Variants in HAUS3 observed in about 807,000 individuals in gnomAD.
The protein encoded by HAUS3 is HAUS augmin like complex subunit 3, also known as HAUS augmin-like complex subunit 3.
In HAUS3, 36 loss-of-function variants were observed where a neutral mutation model predicts 55.2. The ratio of observed to expected loss-of-function variants is 0.65; its 90% CI spans 0.50 to 0.86. The LOEUF is 0.86. Among genes scored for constraint, HAUS3 ranks in the 40% least tolerant of loss-of-function variants. The pLI is 0.00. For missense variants in HAUS3, 752 were observed against 671.5 expected (o/e 1.12, Z -1.33); for synonymous variants, 234 against 238.6 (o/e 0.98, Z 0.18).
At chr4:2,234,165 T>G (rs1476373681) in intron 5 of HAUS3, 6 of 152,206 alleles carry the variant, frequency 3.9e-5, no homozygotes, top group African/African-American at 1.2e-4. Context: ...TTAAGAAAAC[T>G]ATTTAGAGAG....
chr4:2,241,030 C>T lies in HAUS3; in HGVS notation c.-84G>A, dbSNP rs777044956. 115 of 1,038,056 alleles carry T rather than the reference C, an allele frequency of 1.1e-4. No homozygotes were observed. The highest frequency in any genetic ancestry group is 1.5e-4 in the Non-Finnish European group (106 of 704,888). 64.3% of individuals were successfully genotyped at this position (1,038,056 alleles called of 1,614,324 possible). On this transcript the variant is annotated 5_prime_UTR_variant, in exon 3 of 6. Coordinates refer to ENST00000443786, the MANE Select transcript of HAUS3 (RefSeq NM_001303143.2). Reference sequence around the variant, plus strand: ...AAAATAAATCCAAGCAGAAAAAAAGCTACGTTTTATACCAAGTCCACAGAG... The same window carrying T: ...AAAATAAATCCAAGCAGAAAAAAAGTTACGTTTTATACCAAGTCCACAGAG...
intron 4 of HAUS3, among the ~76,000 whole-genome samples, chr4:2,237,853 A>G (rs1734820979): frequency 6.6e-6 from 1 of 152,208 alleles, no homozygotes; most frequent in Admixed American, 6.5e-5. Flanking sequence ...AAGTTGTAAC[A>G]GACTTCCTAA....
At chr4:2,239,850 G>A (rs1734906253) in intron 3 of HAUS3, among the ~76,000 whole-genome samples, 188 bp downstream of exon 3, 1 of 152,174 alleles carries the variant, frequency 6.6e-6, no homozygotes, top group South Asian at 2.1e-4. Context: ...TACTATTGCT[G>A]CCCTCCATTA....
intron 2 of HAUS3, among the ~76,000 whole-genome samples, 167 bp from the exon 3 acceptor site, chr4:2,241,260 C>G (rs1012117095): frequency 6.6e-6 from 1 of 152,124 alleles, no homozygotes; most frequent in African/African-American, 2.4e-5. Flanking sequence ...TAGGCTAGTT[C>G]TCAGAAAACC....
intron 3 of HAUS3, 113 bp downstream of exon 3, chr4:2,239,925 A>G (rs1734909140): frequency 2.5e-6 from 2 of 802,300 alleles, no homozygotes; most frequent in African/African-American, 3.5e-5. Context: ...CAAAGAAAAT[A>G]AAATGTAATC....
rs191699673 is a variant in HAUS3 at position 2,232,269 on chromosome 4, C to T, written c.1579-109G>A. On this transcript the variant is annotated intron_variant, in intron 5 of 5. Transcript: ENST00000443786. ...GACTTTAAAGGACTTAATAACTTCC[C>T]GCAATTTTAGCAATAAATAAACCTC... The T allele has an allele frequency of 1.9e-3, 994 of 513,728 alleles. 16 individuals carry two copies. In the South Asian group the frequency reaches 0.022, roughly 11 times the overall value. The allele number at this position is 513,728 out of a possible 1,614,324, so 31.8% of individuals were successfully genotyped here. A position where few individuals can be genotyped will look rare whatever the true frequency, so the allele number is the denominator to read the frequency against.
chr4:2,239,148 T>G, intron 3 of HAUS3, 105 bp from the exon 4 acceptor site: 1 of 569,072 alleles, frequency 1.8e-6, no homozygotes, highest in Non-Finnish European at 2.9e-6. Flanking sequence ...ATAAGCTCAA[T>G]GAATGAAAAC....
rs902025886 is a variant in HAUS3 at position 2,237,542 on chromosome 4, A to ACAAG, written c.1349+1058_1349+1061dup. ...AAGGAAGGAGGGAAGGAAGGAAAAA[A>ACAAG]CAAGCAAGCAAGCAAGCAATGAATT... On this transcript the variant is annotated intron_variant, in intron 4 of 5. Transcript: ENST00000443786. Among the ~76,000 whole-genome samples the ACAAG allele has an allele frequency of 1.4e-4, 21 of 152,176 alleles. 1 individual carries two copies. Among genetic ancestry groups the ACAAG allele is most frequent in the East Asian group, 5.8e-4 (3 of 5,182 alleles).
At chr4:2,235,757 A>G (rs561068822) in intron 5 of HAUS3, among the ~76,000 whole-genome samples, 72 of 152,148 alleles carry the variant, frequency 4.7e-4, no homozygotes, top group Non-Finnish European at 7.6e-4. Context: ...ATATATATAT[A>G]TGTGTGTATG....
chr4:2,236,172 T>G, intron 5 of HAUS3, 56 bp downstream of exon 5: 1 of 1,060,048 alleles, frequency 9.4e-7, no homozygotes, highest in Admixed American at 2.1e-5. Context: ...CTTTAATATC[T>G]TTTACAACAA....
intron 5 of HAUS3, among the ~76,000 whole-genome samples, chr4:2,232,675 ATG>A (rs963927737): frequency 4.3e-5 from 6 of 140,770 alleles, no homozygotes; most frequent in African/African-American, 1.9e-4. Flanking sequence ...AGAATTACAC[ATG>A]ACATTCCACG....
At position 2,232,108 on chromosome 4, in the gene HAUS3, T is replaced by C. The variant is rs1734603190; in HGVS notation, c.1631A>G (p.His544Arg). The part of the protein sequence containing the change: ...KVESQLNKLN[H>R]LLTDILADVK... The stretch of plus-strand genomic sequence containing the variant: ...ATCAGCAAGAATATCAGTGAGGAGA[T>C]GATTTAGCTTATTCAGTTGAGATTC... Residue 544 changes from histidine (H) to arginine (R), a missense_variant, in exon 6 of 6, where the codon CAT (histidine) becomes CGT (arginine). Coordinates refer to ENST00000443786, the MANE Select transcript of HAUS3 (RefSeq NM_001303143.2). 5 of 1,599,298 alleles carry C rather than the reference T, an allele frequency of 3.1e-6. No individual in the cohort carries two copies. In the African/African-American group the frequency reaches 5.4e-5, roughly 17 times the overall value.
At chr4:2,242,021 G>A (rs1342955113) in intron 1 of HAUS3, 30 bp downstream of exon 1, 1 of 985,490 alleles carries the variant, frequency 1.0e-6, no homozygotes, top group Non-Finnish European at 1.2e-6. Flanking sequence ...CCACACCCCT[G>A]CGCCCAGAAC....
chr4:2,241,270 C>G (rs528320547), intron 2 of HAUS3, among the ~76,000 whole-genome samples, 177 bp from the exon 3 acceptor site: 2 of 152,214 alleles, frequency 1.3e-5, no homozygotes, highest in East Asian at 1.9e-4. Context: ...CTCAGAAAAC[C>G]GCAACAGTAA....
At chr4:2,233,052 T>TTC (rs1327255888) in intron 5 of HAUS3, among the ~76,000 whole-genome samples, 2 of 152,180 alleles carry the variant, frequency 1.3e-5, no homozygotes, top group African/African-American at 2.4e-5. Context: ...TCCCTGATGA[T>TTC]TCTAATGTAC....
Position 2,241,564 on chromosome 4 carries a change from C to G in HAUS3, c.-192G>C, listed in dbSNP as rs1734989528. 1 of 985,664 alleles carries G rather than the reference C, an allele frequency of 1.0e-6. No homozygotes were observed. Among genetic ancestry groups the G allele is most frequent in the Admixed American group, 6.1e-5 (1 of 16,276 alleles). The allele number at this position is 985,664 out of a possible 1,614,324, so 61.1% of individuals were successfully genotyped here. ...AGGCTCCACCTCCAGAGTCCACCAC[C>G]GCGACGCGGAGAACAGCAGGAGCAG... On this transcript the variant is annotated 5_prime_UTR_variant, in exon 2 of 6. Transcript: ENST00000443786.
At chr4:2,235,764 T>A (rs1018600060) in intron 5 of HAUS3, among the ~76,000 whole-genome samples, 1 of 152,196 alleles carries the variant, frequency 6.6e-6, no homozygotes, top group Non-Finnish European at 1.5e-5. Context: ...TATATGTGTG[T>A]ATGTGTGTGC....
chr4:2,232,449 T>C (rs908145021), intron 5 of HAUS3, among the ~76,000 whole-genome samples: 10 of 152,232 alleles, frequency 6.6e-5, no homozygotes, highest in South Asian at 4.1e-4. Flanking sequence ...ACAAATGCTA[T>C]TGTGCCAAGT....
Position 2,240,373 on chromosome 4 carries a change from G to A in HAUS3, c.574C>T (p.Leu192=). 1 of 1,606,098 alleles carries A rather than the reference G, an allele frequency of 6.2e-7. No individual in the cohort carries two copies. The highest frequency in any genetic ancestry group is 8.5e-7 in the Non-Finnish European group (1 of 1,175,034). The change falls in exon 3 of 6, where the codon CTG becomes TTG. Residue 192 remains leucine, a synonymous_variant. Transcript: ENST00000443786. ...HSNLGQGTNP[L]VFLSQFSLEK... ...AAGGAAAATTGCGATAAAAATACCA[G>A]TGGATTTGTCCCTTGACCTAAATTA...
Sources: allele counts gnomAD v4.1 joint callset (sites outside exome capture counted in the v4.1 genomes callset), GRCh38; gene constraint gnomAD v4.1.1; transcripts MANE v1.5; gene names NCBI Gene and HGNC (gene_info 2026-07-23, HGNC 2026-07-21).